The following AKR1C2 variants were observed in gnomAD, a reference collection of about 807,000 sequenced individuals.
AKR1C2 encodes the protein aldo-keto reductase family 1 member C2, also known as 3-alpha-HSD3.
Under a neutral mutation model 39.8 loss-of-function variants are expected in AKR1C2, and 27 were observed. The observed-to-expected ratio is 0.68, with a 90% confidence interval of 0.50 to 0.93. The LOEUF (loss-of-function observed/expected upper bound fraction) is 0.93. Ranked by LOEUF, AKR1C2 falls within the 40% of genes least tolerant of loss-of-function variation. The pLI is 0.00. For missense variants in AKR1C2, 263 were observed against 365.1 expected, an observed-to-expected ratio of 0.72 and a Z score of 2.28; for synonymous variants, 114 against 137.9, an observed-to-expected ratio of 0.83 and a Z score of 1.22.
rs1211640050 is a variant in AKR1C2 at position 4,988,549 on chromosome 10, T to C, written c.*1447A>G. On this transcript the variant is annotated 3_prime_UTR_variant, in exon 9 of 9. Coordinates refer to ENST00000380753, the MANE Select transcript of AKR1C2 (RefSeq NM_001393392.1). ...TTGGTCTAGGGCCCTCCAAAGTTTA[T>C]GGCCTCTTCCAATTTTATAGAATAA... The C allele has an allele frequency of 6.6e-6, 1 of 152,332 alleles. No individual in the cohort carries two copies. Among genetic ancestry groups the C allele is most frequent in the East Asian group, 1.9e-4 (1 of 5,192 alleles). 9.4% of individuals were successfully genotyped at this position (152,332 alleles called of 1,614,324 possible).
chr10:5,015,257 G>A (rs1175668132), intron 1 of AKR1C2: 3 of 152,210 alleles, frequency 2.0e-5, no homozygotes, highest in Non-Finnish European at 4.4e-5. Context: ...TTGCAGTGTG[G>A]TTTAATGCCT....
chr10:5,017,942 T>A (rs1837675262), exon 1 of AKR1C2: 1 of 152,422 alleles, frequency 6.6e-6, no homozygotes, highest in South Asian at 2.1e-4. Flanking sequence ...TGTCTTCACT[T>A]GGCTGGCAGG....
intron 1 of AKR1C2, among the ~76,000 whole-genome samples, 161 bp downstream of exon 1, chr10:5,003,591 A>G (rs1837334740): frequency 6.6e-6 from 1 of 151,938 alleles, no homozygotes; most frequent in Non-Finnish European, 1.5e-5. Context: ...TGCCACAAAT[A>G]AGCAGTAGAT....
At chr10:4,996,822 GA>G (rs782537896) in intron 5 of AKR1C2, among the ~76,000 whole-genome samples, 1 of 151,860 alleles carries the variant, frequency 6.6e-6, no homozygotes, top group East Asian at 1.9e-4. Context: ...TGTCAGGTAA[GA>G]ATAGTTAAAC....
At chr10:4,994,702 C>G (rs1554772669) in intron 7 of AKR1C2, among the ~76,000 whole-genome samples, 2 of 150,570 alleles carry the variant, frequency 1.3e-5, no homozygotes, top group Non-Finnish European at 3.0e-5. Flanking sequence ...CACATGAGAG[C>G]CCAGCCAGGA....
chr10:5,009,498 T>C (rs1837475814), intron 1 of AKR1C2, among the ~76,000 whole-genome samples: 1 of 151,888 alleles, frequency 6.6e-6, no homozygotes, highest in Admixed American at 6.6e-5. Flanking sequence ...ATATTATAGT[T>C]GTTTTGGTTA....
upstream of AKR1C2, among the ~76,000 whole-genome samples, chr10:5,006,753 A>ATAAT (rs59787049): frequency 0.23 from 35,491 of 151,500 alleles, 4,429 homozygotes; most frequent in Middle Eastern, 0.39. Flanking sequence ...ATTTCACCGA[A>ATAAT]TCCATATTTG....
At chr10:5,007,452 T>C (rs1339441241), upstream of AKR1C2, 1 of 152,064 alleles carries the variant, frequency 6.6e-6, no homozygotes, top group Non-Finnish European at 1.5e-5. Context: ...AAATTCACAT[T>C]GATTTCAGAG....
chr10:5,002,407 T>C (rs1283234911), intron 1 of AKR1C2, among the ~76,000 whole-genome samples: 1 of 152,212 alleles, frequency 6.6e-6, no homozygotes, highest in Non-Finnish European at 1.5e-5. Flanking sequence ...TAGCAGTCTA[T>C]TATGTTAGAT....
chr10:5,015,630 ATGTAAGG>A (rs1348989543), intron 1 of AKR1C2, among the ~76,000 whole-genome samples: 6 of 152,140 alleles, frequency 3.9e-5, no homozygotes. Context: ...TCCCCAGACA[ATGTAAGG>A]TGTTGCAAAC....
At chr10:5,003,204 GT>G (rs76620886) in intron 1 of AKR1C2, among the ~76,000 whole-genome samples, 1,556 of 139,248 alleles carry the variant, frequency 0.011, 29 homozygotes, top group African/African-American at 0.037. Context: ...TTTGGTTCTA[GT>G]TTTTTTTTTT....
upstream of AKR1C2, among the ~76,000 whole-genome samples, chr10:5,005,536 A>G (rs782229025): frequency 1.4e-5 from 2 of 144,670 alleles, no homozygotes; most frequent in African/African-American, 5.1e-5. Context: ...AAAAAAAAAT[A>G]GATGGACGTG....
intron 7 of AKR1C2, among the ~76,000 whole-genome samples, chr10:4,994,408 T>C (rs1836958611): frequency 2.0e-5 from 3 of 152,176 alleles, no homozygotes; most frequent in Non-Finnish European, 4.4e-5. Context: ...GAATTTCCAG[T>C]TCCTTCCAGT....
chr10:5,000,759 T>C, intron 2 of AKR1C2, 93 bp from the exon 3 acceptor site: 3 of 1,174,688 alleles, frequency 2.6e-6, no homozygotes, highest in Non-Finnish European at 3.7e-6. Flanking sequence ...TTCTACTACT[T>C]CAAAACTAAT....
At chr10:5,012,621 C>A (rs1213983812) in intron 1 of AKR1C2, among the ~76,000 whole-genome samples, 1 of 152,070 alleles carries the variant, frequency 6.6e-6, no homozygotes, top group Non-Finnish European at 1.5e-5. Context: ...TTCCCCTAGA[C>A]CCTCAAGAAA....
chr10:5,005,395 CA>C (rs1407574071), upstream of AKR1C2, among the ~76,000 whole-genome samples: 3 of 152,076 alleles, frequency 2.0e-5, no homozygotes, highest in Non-Finnish European at 4.4e-5. Flanking sequence ...AATAACAAGG[CA>C]TACAGGCCAG....
At chr10:5,003,023 A>C (rs1554774012) in intron 1 of AKR1C2, among the ~76,000 whole-genome samples, 1 of 152,194 alleles carries the variant, frequency 6.6e-6, no homozygotes, top group Non-Finnish European at 1.5e-5. Flanking sequence ...GACAGTCTTG[A>C]GATACAAGTT....
intron 1 of AKR1C2, among the ~76,000 whole-genome samples, chr10:5,015,487 C>G (rs113380062): frequency 6.6e-6 from 1 of 152,130 alleles, no homozygotes; most frequent in South Asian, 2.1e-4. Flanking sequence ...TCTGTAGACA[C>G]AGAACTACCC....
chr10:4,988,568 A>G lies in AKR1C2; in HGVS notation c.*1428T>C, dbSNP rs1836736506. 1.3e-5 allele frequency: 2 copies of G among 152,222 alleles called. No homozygotes were observed. The highest frequency in any genetic ancestry group is 2.9e-5 in the Non-Finnish European group (2 of 68,036). The allele number at this position is 152,222 out of a possible 1,614,324, so 9.4% of individuals were successfully genotyped here. On this transcript the variant is annotated 3_prime_UTR_variant, in exon 9 of 9. Transcript: ENST00000380753. ...AGTTTATGGCCTCTTCCAATTTTAT[A>G]GAATAAGTAATTTACAGAAAAATTG... is the stretch of plus-strand genomic sequence containing the variant.
Sources: allele counts gnomAD v4.1 joint callset (sites outside exome capture counted in the v4.1 genomes callset), GRCh38; gene constraint gnomAD v4.1.1; transcripts MANE v1.5; gene names NCBI Gene and HGNC (gene_info 2026-07-23, HGNC 2026-07-21).